DPP6: variants seen among roughly 807,000 people sequenced by gnomAD.
The protein encoded by DPP6 is dipeptidyl peptidase like 6.
Under a neutral mutation model 122.6 loss-of-function variants are expected in DPP6, and 69 were observed. The ratio of observed to expected loss-of-function variants is 0.56; its 90% CI spans 0.46 to 0.69. DPP6 has a LOEUF of 0.69. Ranked by LOEUF, DPP6 falls within the 30% of genes least tolerant of loss-of-function variation. The probability of loss-of-function intolerance (pLI) is 0.00; values close to 1 mark genes in which losing one functional copy is unlikely to be tolerated. For missense variants in DPP6, 928 were observed against 1,116.9 expected (o/e 0.83, Z 2.41); for synonymous variants, 418 against 433.1 (o/e 0.97, Z 0.43).
chr7:154,686,479 A>G (rs1252421252), intron 7 of DPP6, among the ~76,000 whole-genome samples: 1 of 151,794 alleles, frequency 6.6e-6, no homozygotes, highest in Non-Finnish European at 1.5e-5. Context: ...GGTGTAATTA[A>G]TCCGACACCC....
chr7:154,685,442 G>A (rs1438711143), intron 7 of DPP6, among the ~76,000 whole-genome samples: 1 of 152,080 alleles, frequency 6.6e-6, no homozygotes, highest in African/African-American at 2.4e-5. Flanking sequence ...GACCAGGGTG[G>A]GGCCTGGGCG....
intron 1 of DPP6, among the ~76,000 whole-genome samples, chr7:154,442,881 C>G (rs937211772): frequency 6.6e-6 from 1 of 152,154 alleles, no homozygotes; most frequent in Non-Finnish European, 1.5e-5. Context: ...CCTTGTTGGC[C>G]GCTCCTGTTC....
chr7:154,173,923 C>T (rs912935056), intron 1 of DPP6, among the ~76,000 whole-genome samples: 1 of 152,212 alleles, frequency 6.6e-6, no homozygotes, highest in African/African-American at 2.4e-5. Context: ...TTGCTCCATG[C>T]AGCTAGTTCC....
At chr7:154,878,919 C>T (rs531035858) in intron 20 of DPP6, among the ~76,000 whole-genome samples, 16 of 152,334 alleles carry the variant, frequency 1.1e-4, no homozygotes, top group African/African-American at 3.1e-4. Flanking sequence ...CATTTGTTCA[C>T]GTAGCTAGTG....
chr7:154,889,502 T>A lies in DPP6; in HGVS notation c.2423T>A (p.Ile808Asn). 6.2e-7 allele frequency: 1 copy of A among 1,606,194 alleles called. No homozygotes were observed. The highest frequency in any genetic ancestry group is 8.5e-7 in the Non-Finnish European group (1 of 1,177,530). Residue 808 changes from isoleucine (I) to asparagine (N), a missense_variant, in exon 25 of 26, where the codon ATT (isoleucine) becomes AAT (asparagine). Ile to Asn is a moderately radical substitution (Grantham distance 149). Coordinates refer to ENST00000377770, the MANE Select transcript of DPP6 (RefSeq NM_130797.4). ...QHTAELITQL[I>N]RGKANYSLQI... is the part of the protein sequence containing the mutation. ...ACAGCAGAACTCATTACACAACTAA[T>A]TAGGGGAAAGGCTAATTACAGCTTA... is the stretch of plus-strand genomic sequence containing the variant.
chr7:154,479,574 AG>A (rs1256632343), intron 3 of DPP6, among the ~76,000 whole-genome samples: 1 of 106,232 alleles, frequency 9.4e-6, no homozygotes, highest in African/African-American at 3.0e-5. Flanking sequence ...AAAAAAAAAA[AG>A]AAAAGAAAAG....
chr7:154,584,585 G>T (rs1161951964), intron 5 of DPP6, among the ~76,000 whole-genome samples: 1 of 152,240 alleles, frequency 6.6e-6, no homozygotes. Flanking sequence ...TTATGTGAAA[G>T]GAGTGTTTGC....
rs1040491188 is a variant in DPP6 at position 154,334,346 on chromosome 7, G to A, written c.244-111868G>A. ...AGCAGTAAGATGCAAAAGCAAGAAG[G>A]ACAGATGATGTTCATACTCACAGTA... On this transcript the variant is annotated intron_variant, in intron 1 of 25. Transcript: ENST00000377770. Among the ~76,000 whole-genome samples the A allele has an allele frequency of 3.9e-5, 6 of 152,304 alleles. No homozygotes were observed. The South Asian group carries it at 1.2e-3, about 32-fold the overall frequency.
intron 1 of DPP6, among the ~76,000 whole-genome samples, chr7:154,431,337 C>G (rs1818346664): frequency 6.6e-6 from 1 of 152,152 alleles, no homozygotes; most frequent in Admixed American, 6.5e-5. Context: ...TCCACACCAC[C>G]CACAAAAGGC....
intron 6 of DPP6, among the ~76,000 whole-genome samples, chr7:154,667,943 A>G (rs1838269376): frequency 6.7e-6 from 1 of 150,098 alleles, no homozygotes; most frequent in Non-Finnish European, 1.5e-5. Context: ...GGCATTCTAG[A>G]CTCTCTAGCC....
At chr7:154,189,530 G>T (rs10251943) in intron 1 of DPP6, among the ~76,000 whole-genome samples, 38,137 of 152,076 alleles carry the variant, frequency 0.25, 6,034 homozygotes, top group African/African-American at 0.44. Context: ...TGTTTGTTCC[G>T]CCAACTCAGT....
At chr7:153,871,325 T>A in the DPP6 span, among the ~76,000 whole-genome samples, 1 of 152,184 alleles carries the variant, frequency 6.6e-6, no homozygotes, top group Non-Finnish European at 1.5e-5. Context: ...GGCTGCTTTG[T>A]TTACCTACTC....
At chr7:153,963,758 G>A (rs185002562) in intron 1 of DPP6, among the ~76,000 whole-genome samples, 35 of 152,292 alleles carry the variant, frequency 2.3e-4, no homozygotes, top group Admixed American at 1.6e-3. Context: ...AGGTGGAACA[G>A]TTTCATCCCG....
chr7:153,797,997 A>G, the DPP6 span, among the ~76,000 whole-genome samples: 1 of 152,158 alleles, frequency 6.6e-6, no homozygotes, highest in Non-Finnish European at 1.5e-5. Flanking sequence ...GCCCGTCACC[A>G]TGCCCAGCTA....
At chr7:154,018,790 TTC>T (rs1798551279) in intron 1 of DPP6, among the ~76,000 whole-genome samples, 1 of 152,224 alleles carries the variant, frequency 6.6e-6, no homozygotes, top group Admixed American at 6.5e-5. Flanking sequence ...GCAGATGAGC[TTC>T]TCTCTTGCAG....
the DPP6 span, among the ~76,000 whole-genome samples, chr7:153,837,687 CT>C: frequency 6.6e-6 from 1 of 151,522 alleles, no homozygotes; most frequent in Admixed American, 6.6e-5. Flanking sequence ...GTAGTTTTTT[CT>C]TTGTTTTTAT....
intron 1 of DPP6, among the ~76,000 whole-genome samples, chr7:154,289,785 A>C (rs1805086229): frequency 1.3e-5 from 2 of 152,148 alleles, no homozygotes; most frequent in South Asian, 4.1e-4. Context: ...ATTGCCTAAC[A>C]TCCCAACCCC....
At chr7:154,256,490 T>A (rs985666873) in intron 1 of DPP6, among the ~76,000 whole-genome samples, 4 of 152,218 alleles carry the variant, frequency 2.6e-5, no homozygotes, top group Non-Finnish European at 5.9e-5. Context: ...AAAACACGTT[T>A]CTTCCAAATA....
At chr7:154,259,250 C>G (rs541245405) in intron 1 of DPP6, among the ~76,000 whole-genome samples, 2 of 152,342 alleles carry the variant, frequency 1.3e-5, no homozygotes, top group African/African-American at 4.8e-5. Context: ...AAATTGTTCT[C>G]TAATCTATCA....
Sources: gnomAD v4.1 joint callset for allele counts (sites outside exome capture counted in the v4.1 genomes callset) on GRCh38, gnomAD v4.1.1 for gene constraint, MANE v1.5 for transcripts, NCBI Gene and HGNC (gene_info 2026-07-23, HGNC 2026-07-21) for gene names.